Variants in ZMAT4 observed in about 807,000 individuals in gnomAD.
The protein encoded by ZMAT4 is zinc finger matrin-type protein 4.
ZMAT4 carries 17 observed loss-of-function variants against 28.7 expected under a neutral mutation model. The ratio of observed to expected loss-of-function variants is 0.59; its 90% confidence interval spans 0.41 to 0.89. The LOEUF (loss-of-function observed/expected upper bound fraction) is 0.89. Ranked by LOEUF, ZMAT4 falls within the 40% of genes least tolerant of loss-of-function variation. The pLI, the probability that ZMAT4 is intolerant of heterozygous loss-of-function variation, is 0.00. For missense variants in ZMAT4, 240 were observed against 283.8 expected, an observed-to-expected ratio of 0.85 and a Z score of 1.11; for synonymous variants, 117 against 109.2, an observed-to-expected ratio of 1.07 and a Z score of -0.44.
At chr8:40,720,979 TGTTTG>T (rs1811062301) in intron 3 of ZMAT4, among the ~76,000 whole-genome samples, 2 of 152,224 alleles carry the variant, frequency 1.3e-5, no homozygotes, top group South Asian at 4.1e-4. Flanking sequence ...TTTGTTTGTT[TGTTTG>T]TTTTTTATTA....
intron 1 of ZMAT4, among the ~76,000 whole-genome samples, chr8:40,846,058 G>A (rs1324735320): frequency 6.6e-6 from 1 of 152,170 alleles, no homozygotes; most frequent in African/African-American, 2.4e-5. Context: ...GGTATTAGGA[G>A]AGACAGCAGC....
In ZMAT4 at chr8:40,878,756, A is replaced by G. The variant is rs539546191; in HGVS notation, c.-5+18927T>C. The stretch of plus-strand genomic sequence containing the variant: ...AGGTGCGGCAGGTGAGAGAAACCAG[A>G]GATGCAGCTCTGGCCTCGGAGGCCT... On this transcript the variant is annotated intron_variant, in intron 1 of 6. Transcript: ENST00000297737. Among the ~76,000 whole-genome samples, 158 of 152,358 alleles carry G rather than the reference A, an allele frequency of 1.0e-3. 1 individual carries two copies. Among genetic ancestry groups the G allele is most frequent in the African/African-American group, 3.5e-3 (147 of 41,578 alleles).
intron 3 of ZMAT4, among the ~76,000 whole-genome samples, chr8:40,743,731 G>A (rs1387745088): frequency 1.3e-5 from 2 of 152,116 alleles, no homozygotes; most frequent in Non-Finnish European, 2.9e-5. Flanking sequence ...CGATTCCGGC[G>A]TGAAGCCACA....
chr8:40,621,985 G>C (rs962531724), intron 5 of ZMAT4, among the ~76,000 whole-genome samples: 3 of 152,130 alleles, frequency 2.0e-5, no homozygotes, highest in Non-Finnish European at 4.4e-5. Flanking sequence ...CTTTCACTTA[G>C]TTTTAGTAAA....
chr8:40,749,074 T>C (rs1005702871), intron 3 of ZMAT4, among the ~76,000 whole-genome samples: 3 of 152,198 alleles, frequency 2.0e-5, no homozygotes, highest in Admixed American at 6.5e-5. Context: ...ATGTAAGACG[T>C]GCCCTTCATC....
chr8:40,563,379 A>G (rs1388278924), intron 6 of ZMAT4, among the ~76,000 whole-genome samples: 2 of 152,212 alleles, frequency 1.3e-5, no homozygotes, highest in African/African-American at 4.8e-5. Flanking sequence ...TATTGCAGGC[A>G]GGAACCACAC....
rs185939577 is a variant in ZMAT4 at position 40,850,432 on chromosome 8, T to C, written c.-4-24752A>G. Among the ~76,000 whole-genome samples, 379 of 152,194 alleles carry C rather than the reference T, an allele frequency of 2.5e-3. 3 individuals carry two copies. The highest frequency in any genetic ancestry group is 8.7e-3 in the African/African-American group (362 of 41,518). ...CTCCCCTGCCAACATCATTCTACTC[T>C]CCTTTCTCTGCTTCACAGGGCGGAT... On this transcript the variant is annotated intron_variant, in intron 1 of 6. Transcript: ENST00000297737.
intron 5 of ZMAT4, among the ~76,000 whole-genome samples, chr8:40,634,621 T>C (rs1297262529): frequency 1.3e-5 from 2 of 152,210 alleles, no homozygotes; most frequent in Non-Finnish European, 2.9e-5. Context: ...GTTTTAAGTC[T>C]ATATGCAAGG....
chr8:40,766,348 T>C (rs1407369463), intron 3 of ZMAT4, among the ~76,000 whole-genome samples: 2 of 152,240 alleles, frequency 1.3e-5, no homozygotes, highest in Non-Finnish European at 1.5e-5. Context: ...CATGTGATGC[T>C]TGGCAAGTCA....
chr8:40,844,099 G>A (rs1224174308), intron 1 of ZMAT4, among the ~76,000 whole-genome samples: 3 of 152,160 alleles, frequency 2.0e-5, no homozygotes, highest in Non-Finnish European at 2.9e-5. Context: ...TCCACCAGCC[G>A]ACCTAACCGC....
chr8:40,796,030 A>G (rs889747187), intron 2 of ZMAT4, among the ~76,000 whole-genome samples: 11 of 152,210 alleles, frequency 7.2e-5, no homozygotes, highest in African/African-American at 2.7e-4. Flanking sequence ...GAAGAGATAG[A>G]GAATAGCAAC....
chr8:40,618,644 G>C (rs1450256039), intron 5 of ZMAT4, among the ~76,000 whole-genome samples: 1 of 142,604 alleles, frequency 7.0e-6, no homozygotes, highest in African/African-American at 2.5e-5. Flanking sequence ...GTATACTACA[G>C]TTTTTCTACC....
intron 6 of ZMAT4, among the ~76,000 whole-genome samples, chr8:40,539,918 C>T (rs1160523639): frequency 3.3e-5 from 5 of 152,142 alleles, no homozygotes; most frequent in Admixed American, 3.3e-4. Flanking sequence ...GAAGTCTGGC[C>T]ATGCTGGAAA....
At chr8:40,880,897 A>T (rs1311745359) in intron 1 of ZMAT4, among the ~76,000 whole-genome samples, 2 of 152,102 alleles carry the variant, frequency 1.3e-5, no homozygotes, top group African/African-American at 4.8e-5. Context: ...TTGTGCCGAG[A>T]TTCACACATC....
chr8:40,799,300 T>A (rs1257303923), intron 2 of ZMAT4, among the ~76,000 whole-genome samples: 2 of 152,134 alleles, frequency 1.3e-5, no homozygotes, highest in African/African-American at 2.4e-5. Context: ...CAGATAGATA[T>A]CCAAAACTAT....
chr8:40,793,192 G>C (rs186871402), intron 2 of ZMAT4, among the ~76,000 whole-genome samples: 1 of 152,190 alleles, frequency 6.6e-6, no homozygotes, highest in South Asian at 2.1e-4. Flanking sequence ...CGTGGTGAGA[G>C]GGGGGTACAT....
At chr8:40,652,136 T>G (rs1299788504) in intron 5 of ZMAT4, among the ~76,000 whole-genome samples, 1 of 112,798 alleles carries the variant, frequency 8.9e-6, no homozygotes, top group African/African-American at 2.9e-5. Flanking sequence ...ACCATCAGAG[T>G]GAACAGGCAA....
chr8:40,884,270 C>A (rs928763759), intron 1 of ZMAT4, among the ~76,000 whole-genome samples: 5 of 151,848 alleles, frequency 3.3e-5, no homozygotes, highest in Admixed American at 6.6e-5. Context: ...CACTCCCTCA[C>A]CCACTCAAGG....
At chr8:40,631,111 G>C (rs1453103249) in intron 5 of ZMAT4, among the ~76,000 whole-genome samples, 1 of 152,048 alleles carries the variant, frequency 6.6e-6, no homozygotes, top group Admixed American at 6.5e-5. Flanking sequence ...AGACCACACT[G>C]TAATGGAATA....
Sources: gnomAD v4.1 joint callset for allele counts (sites outside exome capture counted in the v4.1 genomes callset) on GRCh38, gnomAD v4.1.1 for gene constraint, MANE v1.5 for transcripts, NCBI Gene and HGNC (gene_info 2026-07-23, HGNC 2026-07-21) for gene names.